INSIG1: variants seen among roughly 807,000 people sequenced by gnomAD.
The protein encoded by INSIG1 is insulin induced gene 1, also known as insulin-induced gene 1 protein.
Under a neutral mutation model 26.5 loss-of-function variants are expected in INSIG1, and 14 were observed. That is an observed-to-expected ratio of 0.53 (90% CI 0.35 to 0.83). The LOEUF is 0.83. Ranked by LOEUF, INSIG1 falls within the 40% of genes least tolerant of loss-of-function variation. The probability of loss-of-function intolerance (pLI) is 0.01; values close to 1 mark genes in which losing one functional copy is unlikely to be tolerated. For synonymous variants in INSIG1, 147 were observed against 153.3 expected, an observed-to-expected ratio of 0.96 and a Z score of 0.30; for missense variants, 272 against 368.9, an observed-to-expected ratio of 0.74 and a Z score of 2.15.
At position 155,309,430 on chromosome 7, in the gene INSIG1, C is replaced by T. The variant is rs934913362; in HGVS notation, c.*1160C>T. 6.6e-6 allele frequency: 1 copy of T among 152,644 alleles called. No individual in the cohort carries two copies. The highest frequency in any genetic ancestry group is 1.5e-5 in the Non-Finnish European group (1 of 68,040). 9.5% of individuals were successfully genotyped at this position (152,644 alleles called of 1,614,324 possible). ...GAGGAAACTCGGCAATGATTTCTTTCAGTTGTGAAGTTCCTTTCGTGTTAC... is the reference window on the plus strand; with the variant it reads ...GAGGAAACTCGGCAATGATTTCTTTTAGTTGTGAAGTTCCTTTCGTGTTAC... On this transcript the variant is annotated 3_prime_UTR_variant, in exon 6 of 6. Transcript: ENST00000340368.
At chr7:155,303,826 T>C (rs1220522356) in intron 5 of INSIG1, 1 of 1,363,580 alleles carries the variant, frequency 7.3e-7, no homozygotes, top group South Asian at 1.1e-5. Context: ...TTTTGCCAGC[T>C]GATACCCTTC....
rs769816473 is a variant in INSIG1, at chr7:155,302,703, A to G, written c.705-44A>G. The G allele has an allele frequency of 1.5e-6, 2 of 1,297,692 alleles. No homozygotes were observed. Among genetic ancestry groups the G allele is most frequent in the Non-Finnish European group, 2.2e-6 (2 of 893,028 alleles). 80.4% of individuals were successfully genotyped at this position (1,297,692 alleles called of 1,614,324 possible). ...AGAATCTGTGATGTAGAATTGAGCC[A>G]GGTGAAATTGACTGCTAAGGTACAG... On this transcript the variant is annotated intron_variant, in intron 4 of 5. Transcript: ENST00000340368. The surrounding 1 kb of genome is among the most constrained non-coding windows in gnomAD (Gnocchi z 4.3).
At chr7:155,306,545 T>C (rs1289788847) in intron 5 of INSIG1, among the ~76,000 whole-genome samples, 1 of 152,250 alleles carries the variant, frequency 6.6e-6, no homozygotes, top group Non-Finnish European at 1.5e-5. Flanking sequence ...CAGCTGCTAA[T>C]GATAATAATA....
Position 155,298,573 on chromosome 7 carries a change from G to C in INSIG1, c.288G>C (p.Val96=). The change falls in exon 2 of 6, where the codon GTG becomes GTC. Residue 96 remains valine, a synonymous_variant. Transcript: ENST00000340368. Reference sequence around the variant, plus strand: ...GCCTCGTGCTCTTCTCGGTTGGGGTGGTCCTAGCCCTGGTGCTCAACCTGC... The same window carrying C: ...GCCTCGTGCTCTTCTCGGTTGGGGTCGTCCTAGCCCTGGTGCTCAACCTGC... ...QRSLVLFSVG[V]VLALVLNLLQ... The C allele has an allele frequency of 6.2e-7, 1 of 1,611,594 alleles. No homozygotes were observed. Among genetic ancestry groups the C allele is most frequent in the South Asian group, 1.1e-5 (1 of 90,484 alleles).
In INSIG1 at chr7:155,302,717, G is replaced by C; in HGVS notation, c.705-30G>C. On this transcript the variant is annotated intron_variant, in intron 4 of 5. Transcript: ENST00000340368. This position sits in a 1 kb window ranked among gnomAD's most constrained non-coding sequence, Gnocchi z 4.3. ...AGAATTGAGCCAGGTGAAATTGACT[G>C]CTAAGGTACAGTTTCTTTTCTCGCT... 2 of 1,448,398 alleles carry C rather than the reference G, an allele frequency of 1.4e-6. No homozygotes were observed. 89.7% of individuals were successfully genotyped at this position (1,448,398 alleles called of 1,614,324 possible). A position where few individuals can be genotyped will look rare whatever the true frequency, so the allele number is the denominator to read the frequency against.
In INSIG1 at chr7:155,298,337, A is replaced by G; in HGVS notation, c.52A>G (p.Arg18Gly). Residue 18 changes from arginine (R) to glycine (G), a missense_variant, in exon 2 of 6, where the codon AGG becomes GGG. Coordinates refer to ENST00000340368, the MANE Select transcript of INSIG1 (RefSeq NM_005542.6). ...GAGCTGCTCCTGTGCGCACAGCGCG[A>G]GGCGCCGAGGCCCCCCGCGAGCCAG... ...FWSCSCAHSA[R>G]RRGPPRASAA... The G allele has an allele frequency of 6.6e-7, 1 of 1,508,664 alleles. No homozygotes were observed. The highest frequency in any genetic ancestry group is 1.4e-5 in the African/African-American group (1 of 69,374). 93.5% of individuals were successfully genotyped at this position (1,508,664 alleles called of 1,614,324 possible).
rs986179610 is a variant in INSIG1 at position 155,302,624 on chromosome 7, T to C, written c.705-123T>C. ...AGTAGCAGTTACAACCAAACAAATA[T>C]GAACATTCGTAACATTGGATGGTTG... On this transcript the variant is annotated intron_variant, in intron 4 of 5. Transcript: ENST00000340368. The surrounding 1 kb of genome is among the most constrained non-coding windows in gnomAD (Gnocchi z 4.3). The C allele has an allele frequency of 8.9e-6, 8 of 896,826 alleles. No homozygotes were observed. The highest frequency in any genetic ancestry group is 5.0e-5 in the African/African-American group (3 of 60,086). 55.6% of individuals were successfully genotyped at this position (896,826 alleles called of 1,614,324 possible). A position where few individuals can be genotyped will look rare whatever the true frequency, so the allele number is the denominator to read the frequency against.
At chr7:155,303,876 A>G in intron 5 of INSIG1, 1 of 1,366,340 alleles carries the variant, frequency 7.3e-7, no homozygotes, top group Non-Finnish European at 9.8e-7. Context: ...GCTGTTTCAC[A>G]AAACCAGAAG....
Position 155,298,708 on chromosome 7 carries a change from C to G in INSIG1, c.412+11C>G, listed in dbSNP as rs373426066. The G allele has an allele frequency of 8.2e-5, 132 of 1,601,508 alleles. No homozygotes were observed. Among genetic ancestry groups the G allele is most frequent in the Middle Eastern group, 6.6e-4 (4 of 6,038 alleles). ...GCGGGACAGCAGCTGGTGAGTACCC[C>G]TCCTGGTTCTTCTGGAAGTAAAAAG... On this transcript the variant is annotated intron_variant, in intron 2 of 5. Coordinates refer to ENST00000340368, the MANE Select transcript of INSIG1 (RefSeq NM_005542.6).
chr7:155,302,475 A>G lies in INSIG1; in HGVS notation c.704+58A>G. ...AAGCTTACTTAACTTTCATTAAAAC[A>G]TCCACTAAGCTTAGATATTTTCATA... On this transcript the variant is annotated intron_variant, in intron 4 of 5. Transcript: ENST00000340368. This position sits in a 1 kb window ranked among gnomAD's most constrained non-coding sequence, Gnocchi z 4.3. The G allele has an allele frequency of 1.4e-6, 2 of 1,422,378 alleles. No homozygotes were observed. The highest frequency in any genetic ancestry group is 1.4e-5 in the South Asian group (1 of 70,880). The allele number at this position is 1,422,378 out of a possible 1,614,324, so 88.1% of individuals were successfully genotyped here. A position where few individuals can be genotyped will look rare whatever the true frequency, so the allele number is the denominator to read the frequency against.
Position 155,302,686 on chromosome 7 carries a change from T to C in INSIG1, c.705-61T>C. 1 of 1,144,044 alleles carries C rather than the reference T, an allele frequency of 8.7e-7. No homozygotes were observed. Among genetic ancestry groups the C allele is most frequent in the Non-Finnish European group, 1.3e-6 (1 of 754,790 alleles). 70.9% of individuals were successfully genotyped at this position (1,144,044 alleles called of 1,614,324 possible). ...GCATATCCCCACTACAGAGAATCTG[T>C]GATGTAGAATTGAGCCAGGTGAAAT... On this transcript the variant is annotated intron_variant, in intron 4 of 5. Transcript: ENST00000340368. The surrounding 1 kb of genome is among the most constrained non-coding windows in gnomAD (Gnocchi z 4.3).
At chr7:155,301,294 A>T (rs1425624383) in intron 2 of INSIG1, among the ~76,000 whole-genome samples, 1 of 152,244 alleles carries the variant, frequency 6.6e-6, no homozygotes, top group Non-Finnish European at 1.5e-5. Flanking sequence ...TATTAATATG[A>T]ATAATCCCTG....
In INSIG1 at chr7:155,310,049, T is replaced by C. The variant is rs1485100411; in HGVS notation, c.*1779T>C. 1 of 152,640 alleles carries C rather than the reference T, an allele frequency of 6.6e-6. No individual in the cohort carries two copies. The highest frequency in any genetic ancestry group is 6.5e-5 in the Admixed American group (1 of 15,282). The allele number at this position is 152,640 out of a possible 1,614,324, so 9.5% of individuals were successfully genotyped here. A position where few individuals can be genotyped will look rare whatever the true frequency, so the allele number is the denominator to read the frequency against. On this transcript the variant is annotated 3_prime_UTR_variant, in exon 6 of 6. Coordinates refer to ENST00000340368, the MANE Select transcript of INSIG1 (RefSeq NM_005542.6). Reference sequence around the variant, plus strand: ...AAAAGAATGTAAATTTGAGGATTTTTTTGCCAATAGTTTATAGAAAATATA... The same window carrying C: ...AAAAGAATGTAAATTTGAGGATTTTCTTGCCAATAGTTTATAGAAAATATA...
At chr7:155,303,976 CTTTTTTTTTTTTT>C in intron 5 of INSIG1, 1 of 261,574 alleles carries the variant, frequency 3.8e-6, no homozygotes, top group Non-Finnish European at 6.7e-6. Flanking sequence ...CTTTGCTTGC[CTTTTTTTTTTTTT>C]TTTTTTTTTG....
Position 155,308,810 on chromosome 7 carries a change from GGC to G in INSIG1, c.*541_*542del, listed in dbSNP as rs1798009348. 6.5e-6 allele frequency: 1 copy of G among 154,264 alleles called. No individual in the cohort carries two copies. Among genetic ancestry groups the G allele is most frequent in the South Asian group, 2.0e-4 (1 of 4,978 alleles). 9.6% of individuals were successfully genotyped at this position (154,264 alleles called of 1,614,324 possible). A position where few individuals can be genotyped will look rare whatever the true frequency, so the allele number is the denominator to read the frequency against. On this transcript the variant is annotated 3_prime_UTR_variant, in exon 6 of 6. Transcript: ENST00000340368. ...CACACTCTAAGTGGGGTCGCGGCGT[GGC>G]CACGCTTCACGGTCACGCTCGTCCG...
Position 155,308,545 on chromosome 7 carries a change from C to A in INSIG1, c.*275C>A. 2.2e-6 allele frequency: 1 copy of A among 453,984 alleles called. No individual in the cohort carries two copies. The highest frequency in any genetic ancestry group is 4.0e-6 in the Non-Finnish European group (1 of 247,448). The allele number at this position is 453,984 out of a possible 1,614,324, so 28.1% of individuals were successfully genotyped here. Reference sequence around the variant, plus strand: ...GTGGGTTCAGGCAGGTGGCAGCTTCCCAAGTATTCGATTTCATTCATGTGA... The same window carrying A: ...GTGGGTTCAGGCAGGTGGCAGCTTCACAAGTATTCGATTTCATTCATGTGA... On this transcript the variant is annotated 3_prime_UTR_variant, in exon 6 of 6. Transcript: ENST00000340368.
In INSIG1 at chr7:155,301,631, G is replaced by C. The variant is rs767640062; in HGVS notation, c.478G>C (p.Glu160Gln). 3 of 1,611,098 alleles carry C rather than the reference G, an allele frequency of 1.9e-6. No homozygotes were observed. The change falls in exon 3 of 6, where the codon GAA becomes CAA. Residue 160 changes from glutamate (E) to glutamine (Q), a missense_variant. By Grantham distance (29) the Glu-to-Gln change is conservative. Coordinates refer to ENST00000340368, the MANE Select transcript of INSIG1 (RefSeq NM_005542.6). ...HLGEPHKFKR[E>Q]WASVMRCIAV... The stretch of plus-strand genomic sequence containing the variant: ...CGGAGAACCCCACAAATTTAAGAGA[G>C]AATGGGCCAGTGTCATGCGCTGCAT...
intron 5 of INSIG1, 68 bp from the exon 6 acceptor site, chr7:155,308,173 G>C (rs537680063): frequency 3.8e-6 from 3 of 797,814 alleles, no homozygotes; most frequent in East Asian, 2.5e-5. Flanking sequence ...TACTTAATTG[G>C]TAATTAAAAT....
chr7:155,300,033 G>T (rs913643345), intron 2 of INSIG1, among the ~76,000 whole-genome samples: 9 of 152,210 alleles, frequency 5.9e-5, no homozygotes, highest in Non-Finnish European at 1.2e-4. Context: ...TTTGTTCTCG[G>T]AGGGACGGGA....
Sources: gnomAD v4.1 joint callset for allele counts (sites outside exome capture counted in the v4.1 genomes callset) on GRCh38, gnomAD v4.1.1 for gene constraint, Gnocchi (gnomAD v3.1) non-coding constraint, MANE v1.5 for transcripts, NCBI Gene and HGNC (gene_info 2026-07-23, HGNC 2026-07-21) for gene names.